Variants in TECRL observed in about 807,000 individuals in gnomAD.
TECRL encodes the protein trans-2,3-enoyl-CoA reductase like, also known as trans-2,3-enoyl-CoA reductase-like.
In TECRL, 63 loss-of-function variants were observed where a neutral mutation model predicts 52.8. The observed-to-expected ratio is 1.19, with a 90% CI of 0.97 to 1.47. The LOEUF (loss-of-function observed/expected upper bound fraction) is 1.47, where lower values mean the gene tolerates loss of function less well. Ranked by LOEUF, TECRL falls within the 40% of genes most tolerant of loss-of-function variation. The pLI is 0.00. For synonymous variants in TECRL, 164 were observed against 141.9 expected (o/e 1.16, Z -1.10); for missense variants, 482 against 429.6 (o/e 1.12, Z -1.08).
At chr4:64,366,877 C>A (rs959115477) in intron 2 of TECRL, among the ~76,000 whole-genome samples, 1 of 139,994 alleles carries the variant, frequency 7.1e-6, no homozygotes, top group African/African-American at 2.6e-5. Context: ...CCCAGCAATA[C>A]CGTTACTATG....
At chr4:64,384,277 T>C (rs975588681) in intron 1 of TECRL, among the ~76,000 whole-genome samples, 2 of 152,086 alleles carry the variant, frequency 1.3e-5, no homozygotes, top group Admixed American at 6.6e-5. Flanking sequence ...CTCAGGCCTC[T>C]TGCTTTGGGG....
At chr4:64,304,197 C>T (rs1232036813) in intron 7 of TECRL, among the ~76,000 whole-genome samples, 2 of 151,722 alleles carry the variant, frequency 1.3e-5, no homozygotes, top group African/African-American at 2.4e-5. Context: ...TATGTGCTAA[C>T]GTTGTAAAGG....
chr4:64,321,926 T>C (rs1194394482), intron 4 of TECRL, among the ~76,000 whole-genome samples: 2 of 152,166 alleles, frequency 1.3e-5, no homozygotes, highest in African/African-American at 4.8e-5. Flanking sequence ...GTCAAAAGAA[T>C]CTGTGATGTT....
At chr4:64,369,560 T>G (rs1483859939) in intron 2 of TECRL, among the ~76,000 whole-genome samples, 1 of 151,996 alleles carries the variant, frequency 6.6e-6, no homozygotes, top group Non-Finnish European at 1.5e-5. Flanking sequence ...TTAATGAGAT[T>G]TTTTCAGGCA....
downstream of TECRL, chr4:64,276,414 G>A (rs1415776152): frequency 6.6e-6 from 1 of 151,786 alleles, no homozygotes; most frequent in Non-Finnish European, 1.5e-5. Flanking sequence ...AACTGTGGTA[G>A]TAATGTTATT....
chr4:64,318,490 C>T (rs188196401), intron 4 of TECRL, among the ~76,000 whole-genome samples: 1 of 151,958 alleles, frequency 6.6e-6, no homozygotes, highest in African/African-American at 2.4e-5. Flanking sequence ...CATGAAACCA[C>T]CAACTCAGAT....
intron 1 of TECRL, among the ~76,000 whole-genome samples, chr4:64,403,700 T>C (rs902386703): frequency 4.6e-5 from 7 of 151,828 alleles, no homozygotes; most frequent in Non-Finnish European, 1.0e-4. Flanking sequence ...TATAGAAGAC[T>C]TTCTGAATTC....
At chr4:64,378,163 G>C (rs879617280) in intron 1 of TECRL, among the ~76,000 whole-genome samples, 2 of 152,084 alleles carry the variant, frequency 1.3e-5, no homozygotes, top group Non-Finnish European at 2.9e-5. Flanking sequence ...GGTTTCCTAC[G>C]TAAACAGAGC....
intron 2 of TECRL, among the ~76,000 whole-genome samples, chr4:64,369,186 A>G (rs1721820128): frequency 6.6e-6 from 1 of 152,180 alleles, no homozygotes; most frequent in Non-Finnish European, 1.5e-5. Context: ...GTCAGTGTAC[A>G]AATTATGCTT....
intron 2 of TECRL, among the ~76,000 whole-genome samples, chr4:64,368,596 C>T (rs1721776208): frequency 6.6e-6 from 1 of 152,066 alleles, no homozygotes; most frequent in African/African-American, 2.4e-5. Flanking sequence ...GCCCAGCCCT[C>T]ATAATTGTTT....
chr4:64,406,343 A>C (rs1193219692), intron 1 of TECRL, among the ~76,000 whole-genome samples: 1 of 151,966 alleles, frequency 6.6e-6, no homozygotes, highest in African/African-American at 2.4e-5. Context: ...ATACATTACT[A>C]AGATAATACA....
Position 64,280,206 on chromosome 4 carries a change from G to T in TECRL, c.965-7C>A. 3 of 1,474,918 alleles carry T rather than the reference G, an allele frequency of 2.0e-6. No individual in the cohort carries two copies. Among genetic ancestry groups the T allele is most frequent in the Non-Finnish European group, 2.7e-6 (3 of 1,107,566 alleles). The allele number at this position is 1,474,918 out of a possible 1,614,324, so 91.4% of individuals were successfully genotyped here. A position where few individuals can be genotyped will look rare whatever the true frequency, so the allele number is the denominator to read the frequency against. ...AGAAGTGTAAAAATTCCAACTAGAAGAAAAAAGAAATAATTATTATTTCTT... is the reference window on the plus strand; with the variant it reads ...AGAAGTGTAAAAATTCCAACTAGAATAAAAAAGAAATAATTATTATTTCTT... On this transcript the variant is annotated splice_region_variant and splice_polypyrimidine_tract_variant and intron_variant, in intron 11 of 11. Transcript: ENST00000381210.
intron 2 of TECRL, among the ~76,000 whole-genome samples, chr4:64,331,052 G>T (rs1317246394): frequency 6.6e-6 from 1 of 151,998 alleles, no homozygotes; most frequent in Non-Finnish European, 1.5e-5. Context: ...AATTTCTTTG[G>T]TTTTCTTGCA....
At chr4:64,394,657 T>C (rs1244042612) in intron 1 of TECRL, among the ~76,000 whole-genome samples, 2 of 152,112 alleles carry the variant, frequency 1.3e-5, no homozygotes, top group Admixed American at 6.6e-5. Flanking sequence ...ACACAGAGTG[T>C]TTCCATACTT....
At chr4:64,384,364 C>A (rs1723027216) in intron 1 of TECRL, among the ~76,000 whole-genome samples, 1 of 152,056 alleles carries the variant, frequency 6.6e-6, no homozygotes, top group African/African-American at 2.4e-5. Flanking sequence ...GTGGTGGCAA[C>A]TGGATGAATG....
At chr4:64,379,565 C>T (rs374387871) in intron 1 of TECRL, among the ~76,000 whole-genome samples, 1 of 152,026 alleles carries the variant, frequency 6.6e-6, no homozygotes, top group Non-Finnish European at 1.5e-5. Context: ...TATGCTGTCA[C>T]ACAGTAGAAG....
chr4:64,344,693 A>G (rs1477069638), intron 2 of TECRL, among the ~76,000 whole-genome samples: 1 of 152,236 alleles, frequency 6.6e-6, no homozygotes, highest in Non-Finnish European at 1.5e-5. Flanking sequence ...GAATGAAACT[A>G]CATGCTACCA....
intron 2 of TECRL, among the ~76,000 whole-genome samples, chr4:64,330,609 C>T (rs547812493): frequency 6.6e-6 from 1 of 152,068 alleles, no homozygotes; most frequent in South Asian, 2.1e-4. Flanking sequence ...TCAAGACTAG[C>T]CTGGGCAATA....
intron 2 of TECRL, among the ~76,000 whole-genome samples, chr4:64,331,461 T>C (rs1718634051): frequency 6.6e-6 from 1 of 152,024 alleles, no homozygotes; most frequent in Non-Finnish European, 1.5e-5. Flanking sequence ...GTAGGTAAAC[T>C]TACAATTTAA....
Sources: allele counts gnomAD v4.1 joint callset (sites outside exome capture counted in the v4.1 genomes callset), GRCh38; gene constraint gnomAD v4.1.1; transcripts MANE v1.5; gene names NCBI Gene and HGNC (gene_info 2026-07-23, HGNC 2026-07-21).